KATNAL1: variants seen among roughly 807,000 people sequenced by gnomAD.
The protein encoded by KATNAL1 is katanin p60 ATPase-containing subunit A-like 1.
A neutral mutation model predicts 55.2 loss-of-function variants in KATNAL1; 32 were observed. The observed-to-expected ratio is 0.58, with a 90% CI of 0.44 to 0.78. The LOEUF (loss-of-function observed/expected upper bound fraction) is 0.78. KATNAL1 is among the 30% of genes least tolerant of loss of function. KATNAL1 has a pLI of 0.00. For synonymous variants in KATNAL1, 193 were observed against 193.6 expected, an observed-to-expected ratio of 1.00 and a Z score of 0.02; for missense variants, 466 against 600.9, an observed-to-expected ratio of 0.78 and a Z score of 2.35.
At chr13:30,259,685 CAGG>C (rs1593902709) in intron 3 of KATNAL1, among the ~76,000 whole-genome samples, 1 of 152,202 alleles carries the variant, frequency 6.6e-6, no homozygotes, top group East Asian at 1.9e-4. Flanking sequence ...AACGCGGCAC[CAGG>C]AGATTATATC....
chr13:30,222,020 C>T (rs1874919884), intron 9 of KATNAL1, among the ~76,000 whole-genome samples: 1 of 152,094 alleles, frequency 6.6e-6, no homozygotes, highest in East Asian at 1.9e-4. Context: ...CATTGCCCTC[C>T]AGCCCGGGCA....
chr13:30,294,357 C>A (rs9506284), intron 1 of KATNAL1, among the ~76,000 whole-genome samples: 25,287 of 152,128 alleles, frequency 0.17, 2,217 homozygotes, highest in African/African-American at 0.2. Context: ...AGCAAAACAG[C>A]CTTATTGCTG....
rs143731518 is a variant in KATNAL1 at position 30,212,225 on chromosome 13, C to T, written c.1148-1783G>A. 2.2e-3 allele frequency among the ~76,000 whole-genome samples: 337 copies of T among 152,250 alleles called. 1 individual carries two copies. Among genetic ancestry groups the T allele is most frequent in the African/African-American group, 7.4e-3 (309 of 41,542 alleles). ...CACATTAAAATGAGGAACTTCTATT[C>T]ATCAAAAGATACTGTCGACACAGTG... On this transcript the variant is annotated intron_variant, in intron 9 of 10. Transcript: ENST00000380615.
chr13:30,249,058 C>CAAA (rs71093034), intron 4 of KATNAL1, among the ~76,000 whole-genome samples: 4 of 140,762 alleles, frequency 2.8e-5, no homozygotes, highest in Non-Finnish European at 4.6e-5. Context: ...GACTCCGTCT[C>CAAA]AAAAAAAAAA....
At chr13:30,269,778 T>A (rs1388596883) in intron 3 of KATNAL1, among the ~76,000 whole-genome samples, 3 of 138,362 alleles carry the variant, frequency 2.2e-5, no homozygotes, top group African/African-American at 5.4e-5. Context: ...GTCTGAGAAG[T>A]GAGGAGCCCC....
At chr13:30,209,049 T>C (rs1873413972) in intron 10 of KATNAL1, among the ~76,000 whole-genome samples, 1 of 152,184 alleles carries the variant, frequency 6.6e-6, no homozygotes, top group Non-Finnish European at 1.5e-5. Flanking sequence ...AAGTCAAATT[T>C]TGAAATACTG....
chr13:30,211,711 C>T (rs9508682), intron 9 of KATNAL1, among the ~76,000 whole-genome samples: 14,463 of 152,148 alleles, frequency 0.095, 878 homozygotes, highest in South Asian at 0.19. Context: ...TAAAAACTAA[C>T]GGGCAGATAC....
At chr13:30,240,802 G>A (rs17505204) in intron 5 of KATNAL1, among the ~76,000 whole-genome samples, 157 bp downstream of exon 5, 16,542 of 152,170 alleles carry the variant, frequency 0.11, 1,154 homozygotes, top group Non-Finnish European at 0.16. Context: ...AATGTCCTTG[G>A]TTACATTCGA....
At chr13:30,208,778 CAT>C (rs143925753) in intron 10 of KATNAL1, 40 bp from the exon 11 acceptor site, 44,726 of 1,420,060 alleles carry the variant, frequency 0.031, 846 homozygotes, top group Non-Finnish European at 0.038. Context: ...AATTTTTGCA[CAT>C]GTTTTAAACA....
chr13:30,214,567 G>A (rs1030023208), intron 9 of KATNAL1, among the ~76,000 whole-genome samples: 6,132 of 151,880 alleles, frequency 0.04, 169 homozygotes, highest in African/African-American at 0.071. Context: ...ACTGGTACCA[G>A]AACAGAGATA....
intron 3 of KATNAL1, among the ~76,000 whole-genome samples, chr13:30,279,809 T>A (rs1881137735): frequency 6.6e-6 from 1 of 152,224 alleles, no homozygotes; most frequent in Admixed American, 6.5e-5. Flanking sequence ...TCTTAACTGA[T>A]AAATTTTAGG....
chr13:30,271,315 C>T (rs1566120050), intron 3 of KATNAL1, among the ~76,000 whole-genome samples: 1 of 152,170 alleles, frequency 6.6e-6, no homozygotes, highest in Non-Finnish European at 1.5e-5. Context: ...CCTGTTCTTG[C>T]ACTGCTATAA....
intron 3 of KATNAL1, among the ~76,000 whole-genome samples, chr13:30,274,897 G>GATA (rs1555265605): frequency 3.7e-4 from 38 of 104,034 alleles, no homozygotes; most frequent in Non-Finnish European, 5.6e-4. Context: ...ACATACGCGC[G>GATA]CGCGCGCGCG....
intron 2 of KATNAL1, among the ~76,000 whole-genome samples, chr13:30,282,498 C>T (rs1443331635): frequency 6.6e-6 from 1 of 151,930 alleles, no homozygotes; most frequent in African/African-American, 2.4e-5. Context: ...ATTTGCTGGA[C>T]ATGGTGGTGT....
intron 9 of KATNAL1, among the ~76,000 whole-genome samples, chr13:30,217,551 T>A (rs996618393): frequency 6.6e-6 from 1 of 151,968 alleles, no homozygotes; most frequent in East Asian, 1.9e-4. Flanking sequence ...CAATCCTGTA[T>A]CACAAAATTA....
intron 10 of KATNAL1, 48 bp from the exon 11 acceptor site, chr13:30,208,786 A>G (rs1022149638): frequency 7.9e-7 from 1 of 1,262,632 alleles, no homozygotes; most frequent in African/African-American, 1.5e-5. Context: ...CACATGTTTT[A>G]AACACTTTCA....
rs893613628 is a variant in KATNAL1, at chr13:30,204,027, AC to A, written c.*4512del. On this transcript the variant is annotated 3_prime_UTR_variant, in exon 11 of 11. Transcript: ENST00000380615. Reference sequence around the variant, plus strand: ...AAACATTCGAGGCTTAAATATTTTTACCCCCCTAACATGTCCCCTAAGTATA... The same window carrying A: ...AAACATTCGAGGCTTAAATATTTTTACCCCCTAACATGTCCCCTAAGTATA... 6 of 151,986 alleles carry A rather than the reference AC, an allele frequency of 3.9e-5. No homozygotes were observed. Among genetic ancestry groups the A allele is most frequent in the African/African-American group, 1.5e-4 (6 of 41,346 alleles). 9.4% of individuals were successfully genotyped at this position (151,986 alleles called of 1,614,324 possible).
intron 2 of KATNAL1, among the ~76,000 whole-genome samples, chr13:30,282,655 G>T (rs140015696): frequency 3.5e-4 from 49 of 139,294 alleles, no homozygotes; most frequent in African/African-American, 1.2e-3. Flanking sequence ...AAAAAAAAAA[G>T]AAAGAAAGAA....
intron 6 of KATNAL1, among the ~76,000 whole-genome samples, chr13:30,233,454 A>T (rs1876315159): frequency 6.6e-6 from 1 of 152,168 alleles, no homozygotes; most frequent in South Asian, 2.1e-4. Flanking sequence ...GATAGCTAAT[A>T]ATAGATGATG....
Sources: gnomAD v4.1 joint callset for allele counts (sites outside exome capture counted in the v4.1 genomes callset) on GRCh38, gnomAD v4.1.1 for gene constraint, MANE v1.5 for transcripts, NCBI Gene and HGNC (gene_info 2026-07-23, HGNC 2026-07-21) for gene names.